The following AKAP12 variants were observed in gnomAD, a reference collection of about 807,000 sequenced individuals.
The protein encoded by AKAP12 is A-kinase anchor protein 12.
A neutral mutation model predicts 79.9 loss-of-function variants in AKAP12; 32 were observed. The ratio of observed to expected loss-of-function variants is 0.40; its 90% CI spans 0.30 to 0.54. The LOEUF (loss-of-function observed/expected upper bound fraction) is 0.54. Ranked by LOEUF, AKAP12 falls within the 20% of genes least tolerant of loss-of-function variation. AKAP12 has a pLI of 0.48. For synonymous variants in AKAP12, 808 were observed against 857.0 expected (o/e 0.94, Z 1.00); for missense variants, 2,074 against 2,177.0 (o/e 0.95, Z 0.94).
At position 151,295,704 on chromosome 6, in the gene AKAP12, A is replaced by G. The variant is rs528425686; in HGVS notation, c.163-10043A>G. On this transcript the variant is annotated intron_variant, in intron 2 of 4. Transcript: ENST00000402676. ...TCTAACCAAGCCAATCAGGTATTGA[A>G]AGTGGATAAATGTTGCTGTTGGGTG... Among the ~76,000 whole-genome samples the G allele has an allele frequency of 6.6e-5, 10 of 152,362 alleles. 1 individual carries two copies. The South Asian group carries it at 1.9e-3, about 28-fold the overall frequency.
intron 2 of AKAP12, among the ~76,000 whole-genome samples, chr6:151,258,442 A>G (rs569550744): frequency 6.6e-5 from 10 of 152,298 alleles, no homozygotes; most frequent in Non-Finnish European, 1.3e-4. Context: ...GAGTCTGATC[A>G]CTGACAGTCT....
At chr6:151,294,956 A>G (rs1242175944) in intron 2 of AKAP12, among the ~76,000 whole-genome samples, 1 of 152,176 alleles carries the variant, frequency 6.6e-6, no homozygotes, top group Non-Finnish European at 1.5e-5. Flanking sequence ...GTGGTTCAGA[A>G]TGCACATTAA....
chr6:151,343,227 A>T (rs556873182), intron 3 of AKAP12, among the ~76,000 whole-genome samples: 2 of 152,252 alleles, frequency 1.3e-5, no homozygotes, highest in East Asian at 3.9e-4. Context: ...TGGTTGTGTG[A>T]CACCAGCTTT....
intron 2 of AKAP12, among the ~76,000 whole-genome samples, chr6:151,286,393 C>T (rs951500508): frequency 2.0e-5 from 3 of 152,186 alleles, no homozygotes; most frequent in African/African-American, 7.2e-5. Flanking sequence ...TGCTTGCTGT[C>T]AAGGTTCAAG....
chr6:151,312,278 CT>C (rs1304052301), intron 3 of AKAP12, among the ~76,000 whole-genome samples: 1 of 149,426 alleles, frequency 6.7e-6, no homozygotes, highest in African/African-American at 2.5e-5. Context: ...CGAGACCAAT[CT>C]GGGAAGCATA....
At chr6:151,287,164 C>G (rs1000225183) in intron 2 of AKAP12, among the ~76,000 whole-genome samples, 5 of 152,176 alleles carry the variant, frequency 3.3e-5, no homozygotes, top group African/African-American at 1.2e-4. Context: ...TGGTCTCGAT[C>G]TCCTGACCTT....
chr6:151,240,142 C>A, intron 1 of AKAP12, 83 bp downstream of exon 1: 1 of 161,132 alleles, frequency 6.2e-6, no homozygotes. Context: ...CTTCTGAGGC[C>A]CTGGGTCGTC....
chr6:151,349,647 T>A lies in AKAP12; in HGVS notation c.1256T>A (p.Val419Asp). The A allele has an allele frequency of 6.2e-7, 1 of 1,613,114 alleles. No homozygotes were observed. The highest frequency in any genetic ancestry group is 1.7e-5 in the Admixed American group (1 of 59,882). The part of the protein sequence containing the change: ...EVHQEEVVAE[V>D]HVSTVEERTE... ...CACCAAGAAGAGGTTGTGGCCGAAG[T>A]CCACGTCAGCACCGTGGAGGAGAGA... The change falls in exon 4 of 5, where the codon GTC (valine) becomes GAC (aspartate). Residue 419 changes from valine to aspartate, a missense_variant. Val to Asp is a radical substitution (Grantham distance 152, BLOSUM62 -3). Transcript: ENST00000402676.
At position 151,352,077 on chromosome 6, in the gene AKAP12, T is replaced by C. The variant is rs200800957; in HGVS notation, c.3686T>C (p.Phe1229Ser). The change falls in exon 4 of 5, where the codon TTC becomes TCC. Residue 1229 changes from phenylalanine to serine, a missense_variant. Coordinates refer to ENST00000402676, the MANE Select transcript of AKAP12 (RefSeq NM_005100.4). ...ERPPAPSSFVFQEETKEQSKM... is the reference protein window; with the variant it reads ...ERPPAPSSFVSQEETKEQSKM... ...CCTCCAGCACCTTCCAGTTTTGTGT[T>C]CCAGGAAGAAACTAAAGAACAATCA... 8.1e-6 allele frequency: 13 copies of C among 1,613,858 alleles called. No individual in the cohort carries two copies. The highest frequency in any genetic ancestry group is 3.3e-5 in the South Asian group (3 of 91,068).
intron 2 of AKAP12, among the ~76,000 whole-genome samples, chr6:151,275,351 A>G (rs9371501): frequency 0.51 from 77,299 of 151,732 alleles, 19,777 homozygotes; most frequent in Admixed American, 0.57. Flanking sequence ...GAGGTTTCCA[A>G]TGCTATTTGC....
chr6:151,268,202 C>T (rs1210157280), intron 2 of AKAP12, among the ~76,000 whole-genome samples: 1 of 152,128 alleles, frequency 6.6e-6, no homozygotes, highest in Non-Finnish European at 1.5e-5. Flanking sequence ...CACCTGAGGT[C>T]GGGAGTTCGA....
chr6:151,256,948 C>CTATATATATATATATATATATATA (rs57384016), intron 2 of AKAP12, among the ~76,000 whole-genome samples: 20 of 145,824 alleles, frequency 1.4e-4, no homozygotes, highest in African/African-American at 2.6e-4. Context: ...CGCGCCCGGC[C>CTATATATATATATATATATATATA]TATATATATA....
chr6:151,311,939 T>C (rs1325967508), intron 3 of AKAP12, among the ~76,000 whole-genome samples: 1 of 152,190 alleles, frequency 6.6e-6, no homozygotes, highest in Non-Finnish European at 1.5e-5. Flanking sequence ...TCTTCAAAGA[T>C]GACTCCCCCA....
At chr6:151,348,680 T>TCCGC in intron 3 of AKAP12, 31 bp from the exon 4 acceptor site, 1 of 355,202 alleles carries the variant, frequency 2.8e-6, no homozygotes, top group Non-Finnish European at 5.5e-6. Flanking sequence ...TTTTCTCTTC[T>TCCGC]CCCCACCCCC....
chr6:151,350,622 C>T lies in AKAP12; in HGVS notation c.2231C>T (p.Pro744Leu), dbSNP rs749579577. 5.5e-5 allele frequency: 89 copies of T among 1,613,844 alleles called. No homozygotes were observed. The highest frequency in any genetic ancestry group is 1.6e-4 in the Middle Eastern group (1 of 6,084). Reference sequence around the variant, plus strand: ...GATCCAGGGCAGGGAAGTTCCTCCCCGGAGCAAGCTGGAAGCCCTACCGAA... The same window carrying T: ...GATCCAGGGCAGGGAAGTTCCTCCCTGGAGCAAGCTGGAAGCCCTACCGAA... Reference protein sequence around the residue: ...EHDPGQGSSSPEQAGSPTEGE... With the variant: ...EHDPGQGSSSLEQAGSPTEGE... Residue 744 changes from proline to leucine, a missense_variant, in exon 4 of 5, where the codon CCG becomes CTG. Physicochemically the swap from Pro to Leu is moderately conservative, Grantham distance 98. Around this residue, in one of 3 missense-constraint regions of AKAP12, gnomAD observed 1,428 missense variants for 1,451.0 expected, o/e 0.98. Transcript: ENST00000402676. This position sits in a 1 kb window ranked among gnomAD's most constrained non-coding sequence, Gnocchi z 4.8.
chr6:151,285,604 C>G lies in AKAP12; in HGVS notation c.163-20143C>G, dbSNP rs180862692. Among the ~76,000 whole-genome samples the G allele has an allele frequency of 1.4e-4, 21 of 151,368 alleles. 1 individual carries two copies. The East Asian group carries it at 3.9e-3, about 28-fold the overall frequency. On this transcript the variant is annotated intron_variant, in intron 2 of 4. Transcript: ENST00000402676. ...AATGTCTTGGGTTAAAAAAAAAAAT[C>G]AATTTCATGCAAAAAAGGGGGGAGG...
chr6:151,348,531 C>T (rs1050951931), intron 3 of AKAP12, among the ~76,000 whole-genome samples, 180 bp from the exon 4 acceptor site: 3 of 152,066 alleles, frequency 2.0e-5, no homozygotes, highest in South Asian at 2.1e-4. Context: ...CCCAGCTACT[C>T]GGGATGCTGA....
In AKAP12 at chr6:151,353,690, T is replaced by A; in HGVS notation, c.5299T>A (p.Leu1767Ile). The change falls in exon 4 of 5, where the codon TTA becomes ATA. Residue 1767 changes from leucine (L) to isoleucine (I), a missense_variant. Around this residue, in one of 3 missense-constraint regions of AKAP12, gnomAD observed 614 missense variants for 665.6 expected, o/e 0.92. Coordinates refer to ENST00000402676, the MANE Select transcript of AKAP12 (RefSeq NM_005100.4). ...KAITPQAQEELQKQERESAKS... is the reference protein window; with the variant it reads ...KAITPQAQEEIQKQERESAKS... The stretch of plus-strand genomic sequence containing the variant: ...GATCACACCCCAAGCACAGGAGGAG[T>A]TACAGAAACAAGAGAGAGAATCTGC... The A allele has an allele frequency of 6.2e-7, 1 of 1,609,212 alleles. No homozygotes were observed. The highest frequency in any genetic ancestry group is 8.5e-7 in the Non-Finnish European group (1 of 1,178,424).
intron 3 of AKAP12, among the ~76,000 whole-genome samples, chr6:151,341,148 T>C (rs1031108084): frequency 1.3e-5 from 2 of 151,768 alleles, no homozygotes; most frequent in African/African-American, 4.8e-5. Context: ...GCCTCCCTGG[T>C]TCAACCGATT....
Sources: allele counts gnomAD v4.1 joint callset (sites outside exome capture counted in the v4.1 genomes callset), GRCh38; gene constraint gnomAD v4.1.1; regional missense constraint gnomAD v4.1.1; non-coding constraint Gnocchi (gnomAD v3.1); transcripts MANE v1.5; gene names NCBI Gene and HGNC (gene_info 2026-07-23, HGNC 2026-07-21).